GRIN2A: variants seen among roughly 807,000 people sequenced by gnomAD.
The protein encoded by GRIN2A is glutamate receptor ionotropic, NMDA 2A.
Under a neutral mutation model 113.4 loss-of-function variants are expected in GRIN2A, and 22 were observed. The observed-to-expected ratio is 0.19, with a 90% confidence interval of 0.14 to 0.28. The LOEUF (loss-of-function observed/expected upper bound fraction) is 0.28. Ranked by LOEUF, GRIN2A falls within the 10% of genes least tolerant of loss-of-function variation. The pLI, the probability that GRIN2A is intolerant of heterozygous loss-of-function variation, is 1.00. For synonymous variants in GRIN2A, 827 were observed against 738.4 expected (o/e 1.12, Z -1.94); for missense variants, 1,502 against 1,887.0 (o/e 0.80, Z 3.78).
chr16:10,151,408 A>C (rs191321785), intron 2 of GRIN2A, among the ~76,000 whole-genome samples: 54 of 152,338 alleles, frequency 3.5e-4, no homozygotes, highest in African/African-American at 1.2e-3. Flanking sequence ...AACAACTTGC[A>C]CCAAGGCATT....
At chr16:10,153,952 G>A (rs1036753069) in intron 2 of GRIN2A, among the ~76,000 whole-genome samples, 5 of 152,116 alleles carry the variant, frequency 3.3e-5, no homozygotes, top group African/African-American at 1.2e-4. Context: ...TATTCACAAG[G>A]CTCCCCTCCT....
chr16:10,039,456 T>C (rs1014181844), intron 2 of GRIN2A, among the ~76,000 whole-genome samples: 5 of 152,156 alleles, frequency 3.3e-5, no homozygotes, highest in African/African-American at 1.2e-4. Context: ...CTGTAAAAGA[T>C]AGAGTTGTTT....
intron 10 of GRIN2A, among the ~76,000 whole-genome samples, chr16:9,805,260 C>A (rs1241471107): frequency 6.6e-6 from 1 of 152,184 alleles, no homozygotes; most frequent in East Asian, 1.9e-4. Context: ...TCATCATCTT[C>A]TTATGCATGT....
chr16:10,016,769 C>T (rs1040656449), intron 2 of GRIN2A, among the ~76,000 whole-genome samples: 1 of 152,204 alleles, frequency 6.6e-6, no homozygotes, highest in African/African-American at 2.4e-5. Flanking sequence ...CTGGGCCTCC[C>T]GGCCTGGACT....
At chr16:9,832,213 CA>C (rs2042509683) in intron 8 of GRIN2A, among the ~76,000 whole-genome samples, 1 of 151,960 alleles carries the variant, frequency 6.6e-6, no homozygotes, top group African/African-American at 2.4e-5. Flanking sequence ...GCCTTGGCCT[CA>C]AAAAGCCTTG....
Position 9,914,619 on chromosome 16 carries a change from A to G in GRIN2A, c.1007+23340T>C, listed in dbSNP as rs1270698658. Among the ~76,000 whole-genome samples, 4 of 152,320 alleles carry G rather than the reference A, an allele frequency of 2.6e-5. No individual in the cohort carries two copies. In the East Asian group the frequency reaches 5.8e-4, roughly 22 times the overall value. On this transcript the variant is annotated intron_variant, in intron 3 of 12. Transcript: ENST00000330684. Reference sequence around the variant, plus strand: ...TTGCTGTGGCTCAGAAGTTAGGCTTATTGAAGATGGAAAGATGGTCCCAGA... The same window carrying G: ...TTGCTGTGGCTCAGAAGTTAGGCTTGTTGAAGATGGAAAGATGGTCCCAGA...
chr16:9,841,192 A>G, intron 5 of GRIN2A, 88 bp from the exon 6 acceptor site: 1 of 1,152,920 alleles, frequency 8.7e-7, no homozygotes, highest in Non-Finnish European at 1.3e-6. Context: ...TATTTTTCAG[A>G]TGAGTAAACT....
intron 2 of GRIN2A, among the ~76,000 whole-genome samples, chr16:10,047,502 C>A (rs1465031274): frequency 6.6e-6 from 1 of 152,188 alleles, no homozygotes; most frequent in Middle Eastern, 3.2e-3. Flanking sequence ...GAATTAGGAC[C>A]TCAGTTCCTG....
chr16:9,877,025 T>A (rs557349126), intron 4 of GRIN2A, among the ~76,000 whole-genome samples: 1 of 152,184 alleles, frequency 6.6e-6, no homozygotes, highest in Admixed American at 6.5e-5. Flanking sequence ...ACAACCTATA[T>A]GAAAATTTCC....
chr16:10,157,847 C>G (rs1366600332), intron 2 of GRIN2A, among the ~76,000 whole-genome samples: 1 of 152,040 alleles, frequency 6.6e-6, no homozygotes, highest in Admixed American at 6.6e-5. Context: ...AATATTACTA[C>G]TGTAATCTTT....
At chr16:9,879,170 A>C (rs1306813742) in intron 4 of GRIN2A, among the ~76,000 whole-genome samples, 1 of 152,168 alleles carries the variant, frequency 6.6e-6, no homozygotes, top group African/African-American at 2.4e-5. Flanking sequence ...CTTAACGATC[A>C]TTATATAAGG....
In GRIN2A at chr16:10,000,082, A is replaced by T. The variant is rs147173559; in HGVS notation, c.415-61531T>A. Reference sequence around the variant, plus strand: ...CCTTCACTATACATCTCCTCCTCTGACTCTCTCCCTCCTGCCTCCTTTCTT... The same window carrying T: ...CCTTCACTATACATCTCCTCCTCTGTCTCTCTCCCTCCTGCCTCCTTTCTT... On this transcript the variant is annotated intron_variant, in intron 2 of 12. Coordinates refer to ENST00000330684, the MANE Select transcript of GRIN2A (RefSeq NM_001134407.3). Among the ~76,000 whole-genome samples the T allele has an allele frequency of 1.5e-3, 223 of 151,040 alleles. 3 individuals are homozygous for T. The highest frequency in any genetic ancestry group is 5.3e-3 in the African/African-American group (218 of 41,080).
chr16:9,760,251 G>C lies in GRIN2A; in HGVS notation c.*2898C>G. 1 of 228,654 alleles carries C rather than the reference G, an allele frequency of 4.4e-6. No homozygotes were observed. Among genetic ancestry groups the C allele is most frequent in the East Asian group, 6.3e-5 (1 of 15,938 alleles). 14.2% of individuals were successfully genotyped at this position (228,654 alleles called of 1,614,324 possible). ...AATTCTTGTTACTTCTCATACTGTGGGTTCCATTTACCACTGGACGTTACA... is the reference window on the plus strand; with the variant it reads ...AATTCTTGTTACTTCTCATACTGTGCGTTCCATTTACCACTGGACGTTACA... On this transcript the variant is annotated 3_prime_UTR_variant, in exon 13 of 13. Transcript: ENST00000330684.
chr16:10,032,976 C>T (rs1380108574), intron 2 of GRIN2A, among the ~76,000 whole-genome samples: 1 of 152,212 alleles, frequency 6.6e-6, no homozygotes, highest in East Asian at 1.9e-4. Context: ...CCCATGACTA[C>T]ACCATGCTTT....
intron 2 of GRIN2A, among the ~76,000 whole-genome samples, chr16:9,946,738 C>G (rs1596351956): frequency 6.6e-6 from 1 of 152,280 alleles, no homozygotes; most frequent in East Asian, 1.9e-4. Context: ...TAGGAAAAGA[C>G]AGCTTCTTTT....
rs192343606 is a variant in GRIN2A at position 9,833,844 on chromosome 16, T to G, written c.1777+261A>C. On this transcript the variant is annotated intron_variant, in intron 8 of 12. Coordinates refer to ENST00000330684, the MANE Select transcript of GRIN2A (RefSeq NM_001134407.3). Reference sequence around the variant, plus strand: ...AAGCGATTCTCCTGCCTCTGCCTCATGAGTAGCTGGTATTACAGGTGTGTG... The same window carrying G: ...AAGCGATTCTCCTGCCTCTGCCTCAGGAGTAGCTGGTATTACAGGTGTGTG... 3.3e-5 allele frequency among the ~76,000 whole-genome samples: 5 copies of G among 152,216 alleles called. No individual in the cohort carries two copies. In the East Asian group the frequency reaches 9.7e-4, roughly 29 times the overall value.
At chr16:10,111,544 C>T in intron 2 of GRIN2A, 2 of 782,974 alleles carry the variant, frequency 2.6e-6, no homozygotes, top group South Asian at 2.7e-5. Context: ...AACTTCAGCC[C>T]TGACCCGGAA....
intron 2 of GRIN2A, among the ~76,000 whole-genome samples, chr16:10,156,308 C>T (rs2049693413): frequency 6.6e-6 from 1 of 152,188 alleles, no homozygotes; most frequent in South Asian, 2.1e-4. Context: ...AGCTGTGTAG[C>T]AGAATATAAA....
intron 2 of GRIN2A, among the ~76,000 whole-genome samples, chr16:10,102,352 C>G (rs1429683724): frequency 6.6e-6 from 1 of 152,078 alleles, no homozygotes; most frequent in Non-Finnish European, 1.5e-5. Flanking sequence ...CTTGCTCTGT[C>G]TTTCACCATG....
Sources: allele counts gnomAD v4.1 joint callset (sites outside exome capture counted in the v4.1 genomes callset), GRCh38; gene constraint gnomAD v4.1.1; transcripts MANE v1.5; gene names NCBI Gene and HGNC (gene_info 2026-07-23, HGNC 2026-07-21).